Variants in LONP2 observed in about 807,000 individuals in gnomAD.
The protein encoded by LONP2 is lon peptidase 2, peroxisomal.
A neutral mutation model predicts 85.6 loss-of-function variants in LONP2; 60 were observed. That is an observed-to-expected ratio of 0.70 (90% CI 0.57 to 0.87). LONP2 has a LOEUF of 0.87. Ranked by LOEUF, LONP2 falls within the 40% of genes least tolerant of loss-of-function variation. The pLI is 0.00. For missense variants in LONP2, 860 were observed against 1,063.5 expected (o/e 0.81, Z 2.66); for synonymous variants, 395 against 389.7 (o/e 1.01, Z -0.16).
chr16:48,255,776 C>A (rs1031362071), intron 2 of LONP2, among the ~76,000 whole-genome samples: 1 of 152,142 alleles, frequency 6.6e-6, no homozygotes, highest in Non-Finnish European at 1.5e-5. Context: ...CCCCTGCACA[C>A]GCTGTCTTGC....
intron 13 of LONP2, 88 bp downstream of exon 13, chr16:48,347,802 T>A: frequency 8.0e-7 from 1 of 1,247,242 alleles, no homozygotes; most frequent in Non-Finnish European, 1.1e-6. Flanking sequence ...GACTGCCAGT[T>A]ACACATCTAG....
At chr16:48,347,321 GTCTT>G (rs1257115169) in intron 12 of LONP2, among the ~76,000 whole-genome samples, 182 bp from the exon 13 acceptor site, 3 of 152,300 alleles carry the variant, frequency 2.0e-5, no homozygotes, top group East Asian at 3.9e-4. Context: ...GGAAGTTTAG[GTCTT>G]TCTTCTGGCA....
chr16:48,328,836 AG>A (rs1491477596), intron 11 of LONP2, among the ~76,000 whole-genome samples: 1 of 115,206 alleles, frequency 8.7e-6, no homozygotes, highest in South Asian at 3.1e-4. Flanking sequence ...CAAAAAAAAA[AG>A]GGGGGGAGGG....
At chr16:48,293,396 C>T (rs1972598914) in intron 8 of LONP2, among the ~76,000 whole-genome samples, 1 of 151,764 alleles carries the variant, frequency 6.6e-6, no homozygotes, top group African/African-American at 2.4e-5. Flanking sequence ...CCACTGCACT[C>T]TAGCCTGGGC....
chr16:48,293,047 GA>G (rs1287983518), intron 8 of LONP2, among the ~76,000 whole-genome samples: 1 of 151,842 alleles, frequency 6.6e-6, no homozygotes, highest in Non-Finnish European at 1.5e-5. Flanking sequence ...AATTTTAAGA[GA>G]AAAAAATTAC....
chr16:48,257,868 C>G (rs946718916), intron 3 of LONP2, among the ~76,000 whole-genome samples: 3 of 152,148 alleles, frequency 2.0e-5, no homozygotes, highest in Non-Finnish European at 4.4e-5. Flanking sequence ...CAGAGAGCGG[C>G]CTGTGCTCCG....
intron 5 of LONP2, among the ~76,000 whole-genome samples, chr16:48,262,516 A>G (rs796868320): frequency 5.9e-5 from 9 of 152,370 alleles, no homozygotes; most frequent in African/African-American, 2.2e-4. Flanking sequence ...CTTTGTAGAG[A>G]AAGCAGAGCA....
intron 10 of LONP2, among the ~76,000 whole-genome samples, chr16:48,302,835 G>A (rs1020641499): frequency 4.6e-5 from 7 of 152,298 alleles, no homozygotes; most frequent in African/African-American, 1.4e-4. Flanking sequence ...TTTTGTTTAA[G>A]AAAACTCTTC....
intron 7 of LONP2, among the ~76,000 whole-genome samples, chr16:48,271,269 G>C (rs1417990612): frequency 6.6e-6 from 1 of 152,102 alleles, no homozygotes; most frequent in Non-Finnish European, 1.5e-5. Context: ...TGTTCTCACT[G>C]GTCTCTTTGT....
intron 6 of LONP2, among the ~76,000 whole-genome samples, chr16:48,269,543 C>G (rs978721955): frequency 6.6e-6 from 1 of 152,132 alleles, no homozygotes; most frequent in Admixed American, 6.6e-5. Flanking sequence ...TGCACGCACA[C>G]AGCCTGGAAT....
chr16:48,332,914 TATAG>T (rs1451197551), intron 11 of LONP2, among the ~76,000 whole-genome samples: 1 of 140,866 alleles, frequency 7.1e-6, no homozygotes, highest in Non-Finnish European at 1.5e-5. Flanking sequence ...TCTCAAAAAA[TATAG>T]ATAGATAGAC....
intron 11 of LONP2, among the ~76,000 whole-genome samples, chr16:48,309,414 G>A (rs558540864): frequency 6.6e-6 from 1 of 152,272 alleles, no homozygotes; most frequent in African/African-American, 2.4e-5. Flanking sequence ...CATGCCTTTT[G>A]CAGCAATATG....
downstream of LONP2, among the ~76,000 whole-genome samples, chr16:48,360,308 TCTC>T (rs894262475): frequency 6.6e-6 from 1 of 152,186 alleles, no homozygotes; most frequent in South Asian, 2.1e-4. Flanking sequence ...TTTTAGTCAT[TCTC>T]CTGACAGTTG....
intron 12 of LONP2, chr16:48,346,024 A>G (rs1959951708): frequency 6.7e-6 from 1 of 149,816 alleles, no homozygotes; most frequent in African/African-American, 2.5e-5. Context: ...AGCCCAGGCG[A>G]CAGAGTGAGA....
At chr16:48,289,303 AGG>A (rs1972512527) in intron 8 of LONP2, among the ~76,000 whole-genome samples, 1 of 152,168 alleles carries the variant, frequency 6.6e-6, no homozygotes, top group Non-Finnish European at 1.5e-5. Flanking sequence ...TATACATTTT[AGG>A]GAAGCATGAG....
intron 6 of LONP2, 31 bp from the exon 7 acceptor site, chr16:48,269,985 T>C: frequency 6.3e-7 from 1 of 1,586,540 alleles, no homozygotes; most frequent in East Asian, 2.2e-5. Flanking sequence ...ATTTTATGTG[T>C]TCTAATTATT....
chr16:48,327,336 ATTTCT>A (rs1959269054), intron 11 of LONP2, among the ~76,000 whole-genome samples: 2 of 152,192 alleles, frequency 1.3e-5, no homozygotes, highest in Admixed American at 6.5e-5. Flanking sequence ...GACCGATTTT[ATTTCT>A]TTTAAGTGGG....
chr16:48,334,452 C>G, intron 12 of LONP2, 94 bp downstream of exon 12: 1 of 1,478,012 alleles, frequency 6.8e-7, no homozygotes, highest in Non-Finnish European at 9.4e-7. Context: ...GGAGGCTGCC[C>G]TTTGGGGAAG....
In LONP2 at chr16:48,354,225, T is replaced by TTTTTTTTTTTG. The variant is rs1960254896; in HGVS notation, c.*2423_*2424insTTTTTTTTTTG. 7.6e-6 allele frequency: 1 copy of TTTTTTTTTTTG among 130,850 alleles called. No individual in the cohort carries two copies. The highest frequency in any genetic ancestry group is 1.6e-5 in the Non-Finnish European group (1 of 64,236). The allele number at this position is 130,850 out of a possible 1,614,324, so 8.1% of individuals were successfully genotyped here. On this transcript the variant is annotated 3_prime_UTR_variant, in exon 15 of 15. Transcript: ENST00000285737. ...TTTTTTTTTTTTTTTTTTTTTTTTTTGAGATGGAGTCTTGCTCTGTTACCC... is the reference window on the plus strand; with the variant it reads ...TTTTTTTTTTTTTTTTTTTTTTTTTTTTTTTTTTTTGGAGATGGAGTCTTGCTCTGTTACCC...
Sources: gnomAD v4.1 joint callset for allele counts (sites outside exome capture counted in the v4.1 genomes callset) on GRCh38, gnomAD v4.1.1 for gene constraint, MANE v1.5 for transcripts, NCBI Gene and HGNC (gene_info 2026-07-23, HGNC 2026-07-21) for gene names.